NRBP2: variants seen among roughly 807,000 people sequenced by gnomAD.
NRBP2 encodes nuclear receptor-binding protein 2.
Under a neutral mutation model 74.4 loss-of-function variants are expected in NRBP2, and 47 were observed. The observed-to-expected ratio is 0.63, with a 90% CI of 0.50 to 0.81. The LOEUF is 0.81. Among genes scored for constraint, NRBP2 ranks in the 30% least tolerant of loss-of-function variants. The pLI is 0.00. For synonymous variants in NRBP2, 312 were observed against 273.8 expected (o/e 1.14, Z -1.38); for missense variants, 613 against 690.1 (o/e 0.89, Z 1.25).
Position 143,837,709 on chromosome 8 carries a change from G to T in NRBP2, c.887C>A (p.Ser296Tyr). The T allele has an allele frequency of 6.4e-7, 1 of 1,566,600 alleles. No individual in the cohort carries two copies. The highest frequency in any genetic ancestry group is 2.3e-5 in the East Asian group (1 of 42,938). The change falls in exon 11 of 18, where the codon TCT (serine) becomes TAT (tyrosine). Residue 296 changes from serine to tyrosine, a missense_variant. By Grantham distance (144) the Ser-to-Tyr change is moderately radical. Around this residue, in one of 2 missense-constraint regions of NRBP2, gnomAD observed 332 missense variants for 429.2 expected, o/e 0.77. Transcript: ENST00000442628. This position sits in a 1 kb window ranked among gnomAD's most constrained non-coding sequence, Gnocchi z 4.3. ...GCGGTGGAAGAGGAGGCTGTGGGCA[G>T]AGGGCCGGCGGGCAGGGTCCCGGGC... Reference protein sequence around the residue: ...CLARDPARRPSAHSLLFHRVL... With the variant: ...CLARDPARRPYAHSLLFHRVL...
chr8:143,840,806 C>G lies in NRBP2; in HGVS notation c.29G>C (p.Arg10Pro). Residue 10 changes from arginine (R) to proline (P), a missense_variant, in exon 1 of 18, where the codon CGG becomes CCG. Around this residue, in one of 2 missense-constraint regions of NRBP2, gnomAD observed 332 missense variants for 429.2 expected, o/e 0.77. Transcript: ENST00000442628. The surrounding 1 kb of genome is among the most constrained non-coding windows in gnomAD (Gnocchi z 5.7). ...CCGCTCCCGCTCCCGTTCCCGGGCC[C>G]GCCTCGGCGCCGGCTCCGGGGCCGC... MAAPEPAPR[R>P]ARERERERED... The G allele has an allele frequency of 1.3e-6, 2 of 1,496,830 alleles. No individual in the cohort carries two copies. The highest frequency in any genetic ancestry group is 1.8e-6 in the Non-Finnish European group (2 of 1,128,724). 92.7% of individuals were successfully genotyped at this position (1,496,830 alleles called of 1,614,324 possible).
chr8:143,831,834 G>A (rs186551955), downstream of NRBP2, among the ~76,000 whole-genome samples: 26 of 152,328 alleles, frequency 1.7e-4, 4 homozygotes, highest in Admixed American at 1.6e-3. Flanking sequence ...GAGATCATAG[G>A]TAAAGAGTCA....
chr8:143,838,019 C>T (rs1563862221), intron 10 of NRBP2: 2 of 686,570 alleles, frequency 2.9e-6, no homozygotes, highest in Non-Finnish European at 5.3e-6. Context: ...AAGCCATGAT[C>T]CTAAAGTCAC....
Position 143,840,907 on chromosome 8 carries a change from C to T in NRBP2, c.-73G>A. The T allele has an allele frequency of 8.2e-7, 1 of 1,223,646 alleles. No homozygotes were observed. Among genetic ancestry groups the T allele is most frequent in the Non-Finnish European group, 1.0e-6 (1 of 986,428 alleles). 75.8% of individuals were successfully genotyped at this position (1,223,646 alleles called of 1,614,324 possible). On this transcript the variant is annotated 5_prime_UTR_variant, in exon 1 of 18. Transcript: ENST00000442628. The surrounding 1 kb of genome is among the most constrained non-coding windows in gnomAD (Gnocchi z 5.7). ...GCAGCCTCTCCCGGCCCGCCCTGGCCTCGCGCCCAGCAGCCCAGCCTAGAG... is the reference window on the plus strand; with the variant it reads ...GCAGCCTCTCCCGGCCCGCCCTGGCTTCGCGCCCAGCAGCCCAGCCTAGAG...
downstream of NRBP2, among the ~76,000 whole-genome samples, chr8:143,832,944 A>C (rs536470537): frequency 6.6e-6 from 1 of 152,182 alleles, no homozygotes; most frequent in Non-Finnish European, 1.5e-5. Flanking sequence ...GTGGAGGGGC[A>C]ACCCACCCCT....
At chr8:143,830,162 G>A (rs782191192), downstream of NRBP2, among the ~76,000 whole-genome samples, 3 of 152,226 alleles carry the variant, frequency 2.0e-5, no homozygotes, top group East Asian at 1.9e-4. Context: ...AATATTCCCC[G>A]CCTCCCTCCT....
At chr8:143,832,024 T>C (rs1447380195), downstream of NRBP2, among the ~76,000 whole-genome samples, 1 of 152,256 alleles carries the variant, frequency 6.6e-6, no homozygotes, top group Non-Finnish European at 1.5e-5. Flanking sequence ...ATTGTTACTG[T>C]GTCTGTGTAG....
chr8:143,836,557 A>G lies in NRBP2; in HGVS notation c.1264-377T>C, dbSNP rs981693725. 5.9e-5 allele frequency among the ~76,000 whole-genome samples: 9 copies of G among 151,428 alleles called. No individual in the cohort carries two copies. In the East Asian group the frequency reaches 1.6e-3, roughly 26 times the overall value. On this transcript the variant is annotated intron_variant, in intron 14 of 17. Coordinates refer to ENST00000442628, the MANE Select transcript of NRBP2 (RefSeq NM_178564.4). The stretch of plus-strand genomic sequence containing the variant: ...TCTCTGCTGGCAGCCAGGAGCAGGC[A>G]GTTTGCCTGTTAGGACATGAATTCT...
At position 143,835,652 on chromosome 8, in the gene NRBP2, G is replaced by A; in HGVS notation, c.*10C>T. 1.3e-6 allele frequency: 2 copies of A among 1,570,626 alleles called. No homozygotes were observed. Among genetic ancestry groups the A allele is most frequent in the Non-Finnish European group, 1.7e-6 (2 of 1,161,046 alleles). On this transcript the variant is annotated 3_prime_UTR_variant, in exon 18 of 18. Transcript: ENST00000442628. This position sits in a 1 kb window ranked among gnomAD's most constrained non-coding sequence, Gnocchi z 4.9. ...ACCCCGGCATGGTCCCCTGGGGCTGGGGCTCCGGGTCAGGCCTGGGTCCCA... is the reference window on the plus strand; with the variant it reads ...ACCCCGGCATGGTCCCCTGGGGCTGAGGCTCCGGGTCAGGCCTGGGTCCCA...
chr8:143,838,677 T>A lies in NRBP2; in HGVS notation c.840+3A>T. 2 of 1,603,718 alleles carry A rather than the reference T, an allele frequency of 1.2e-6. No homozygotes were observed. Among genetic ancestry groups the A allele is most frequent in the Non-Finnish European group, 1.7e-6 (2 of 1,174,526 alleles). Reference sequence around the variant, plus strand: ...CTGGGGAGGGGCAGGGCAAGCTGCTTACCCGCATGTTGGGGTCACTCAGCG... The same window carrying A: ...CTGGGGAGGGGCAGGGCAAGCTGCTAACCCGCATGTTGGGGTCACTCAGCG... On this transcript the variant is annotated splice_donor_region_variant and intron_variant, in intron 10 of 17. Coordinates refer to ENST00000442628, the MANE Select transcript of NRBP2 (RefSeq NM_178564.4).
In NRBP2 at chr8:143,837,103, G is replaced by T. The variant is rs782213930; in HGVS notation, c.1199C>A (p.Pro400His). 7.4e-6 allele frequency: 12 copies of T among 1,612,464 alleles called. No individual in the cohort carries two copies. Among genetic ancestry groups the T allele is most frequent in the Non-Finnish European group, 1.0e-5 (12 of 1,179,402 alleles). The change falls in exon 14 of 18, where the codon CCC becomes CAC. Residue 400 changes from proline (P) to histidine (H), a missense_variant. Pro to His is a moderately conservative substitution (Grantham distance 77, BLOSUM62 -2). Transcript: ENST00000442628. This position sits in a 1 kb window ranked among gnomAD's most constrained non-coding sequence, Gnocchi z 4.3. ...PLGLPRVLAP[P>H]PEEVQKAKTP... is the part of the protein sequence containing the mutation. ...CTTGGCCTTTTGGACCTCCTCCGGG[G>T]GTGGGGCCAGCACACGGGGCAGCCC...
At chr8:143,830,347 C>A (rs1426023519), downstream of NRBP2, among the ~76,000 whole-genome samples, 5 of 152,226 alleles carry the variant, frequency 3.3e-5, no homozygotes, top group Admixed American at 6.5e-5. Flanking sequence ...AGAAAGGAAA[C>A]CCCAGACCTC....
Position 143,840,501 on chromosome 8 carries a change from C to G in NRBP2, c.129+205G>C, listed in dbSNP as rs1481165180. ...GAGTCCAGAGGCATGGGGAGGTGGT[C>G]CTGGGAGGAGACTGGCCCTCAGGGA... On this transcript the variant is annotated intron_variant, in intron 1 of 17. Coordinates refer to ENST00000442628, the MANE Select transcript of NRBP2 (RefSeq NM_178564.4). The surrounding 1 kb of genome is among the most constrained non-coding windows in gnomAD (Gnocchi z 5.7). 3 of 660,282 alleles carry G rather than the reference C, an allele frequency of 4.5e-6. No homozygotes were observed. Among genetic ancestry groups the G allele is most frequent in the African/African-American group, 3.7e-5 (2 of 54,746 alleles). The allele number at this position is 660,282 out of a possible 1,614,324, so 40.9% of individuals were successfully genotyped here.
At position 143,837,568 on chromosome 8, in the gene NRBP2, T is replaced by TCCA; in HGVS notation, c.973+52_973+54dup. 1 of 1,595,304 alleles carries TCCA rather than the reference T, an allele frequency of 6.3e-7. No homozygotes were observed. The highest frequency in any genetic ancestry group is 8.5e-7 in the Non-Finnish European group (1 of 1,171,604). ...AGGCCGTGGGTCCTGCAGGGCCCCT[T>TCCA]CCACGTCCCAACCTCCACCTCCCCA... is the stretch of plus-strand genomic sequence containing the variant. On this transcript the variant is annotated intron_variant, in intron 11 of 17. Transcript: ENST00000442628. The surrounding 1 kb of genome is among the most constrained non-coding windows in gnomAD (Gnocchi z 4.3).
At position 143,839,282 on chromosome 8, in the gene NRBP2, C is replaced by A; in HGVS notation, c.580+32G>T. ...TGGCTCCAGGCACCTTCCCCTGCCC[C>A]GTTCCCCCACCCAGCCCTGCCCCGC... On this transcript the variant is annotated intron_variant, in intron 6 of 17. Transcript: ENST00000442628. This position sits in a 1 kb window ranked among gnomAD's most constrained non-coding sequence, Gnocchi z 5.1. 1 of 1,537,290 alleles carries A rather than the reference C, an allele frequency of 6.5e-7. No individual in the cohort carries two copies. Among genetic ancestry groups the A allele is most frequent in the East Asian group, 2.4e-5 (1 of 41,128 alleles).
chr8:143,835,356 T>C lies in NRBP2; in HGVS notation c.*306A>G. ...AGCCTCCTGCATGCTGAGGAGGCAGTGGCCCCGGCCAGGCAGCCTGGGTAG... is the reference window on the plus strand; with the variant it reads ...AGCCTCCTGCATGCTGAGGAGGCAGCGGCCCCGGCCAGGCAGCCTGGGTAG... On this transcript the variant is annotated 3_prime_UTR_variant, in exon 18 of 18. Transcript: ENST00000442628. The surrounding 1 kb of genome is among the most constrained non-coding windows in gnomAD (Gnocchi z 4.9). 1 of 499,878 alleles carries C rather than the reference T, an allele frequency of 2.0e-6. No individual in the cohort carries two copies. The highest frequency in any genetic ancestry group is 3.6e-6 in the Non-Finnish European group (1 of 278,634). 31.0% of individuals were successfully genotyped at this position (499,878 alleles called of 1,614,324 possible).
In NRBP2 at chr8:143,837,189, G is replaced by A. The variant is rs374154316; in HGVS notation, c.1128-15C>T. 1.2e-6 allele frequency: 2 copies of A among 1,613,736 alleles called. No individual in the cohort carries two copies. The highest frequency in any genetic ancestry group is 2.7e-5 in the African/African-American group (2 of 74,906). On this transcript the variant is annotated splice_polypyrimidine_tract_variant and intron_variant, in intron 13 of 17. Coordinates refer to ENST00000442628, the MANE Select transcript of NRBP2 (RefSeq NM_178564.4). This position sits in a 1 kb window ranked among gnomAD's most constrained non-coding sequence, Gnocchi z 4.3. ...AGATTCCATTCCTGGGGACACAACA[G>A]GGTGGCTGGGGGTTCAGGCCTGACA...
At position 143,840,435 on chromosome 8, in the gene NRBP2, G is replaced by A; in HGVS notation, c.130-206C>T. 1 of 737,238 alleles carries A rather than the reference G, an allele frequency of 1.4e-6. No homozygotes were observed. Among genetic ancestry groups the A allele is most frequent in the Non-Finnish European group, 2.2e-6 (1 of 464,224 alleles). 45.7% of individuals were successfully genotyped at this position (737,238 alleles called of 1,614,324 possible). ...GCTGGGCTAAGGGGATTTGGAGCAG[G>A]TTTCAGGGGGTCGAGGGGGATCCCC... On this transcript the variant is annotated intron_variant, in intron 1 of 17. Transcript: ENST00000442628. This position sits in a 1 kb window ranked among gnomAD's most constrained non-coding sequence, Gnocchi z 5.7.
chr8:143,835,922 C>T lies in NRBP2; in HGVS notation c.1381+45G>A, dbSNP rs574323771. 31 of 1,592,012 alleles carry T rather than the reference C, an allele frequency of 1.9e-5. No homozygotes were observed. The highest frequency in any genetic ancestry group is 6.8e-5 in the East Asian group (3 of 44,348). On this transcript the variant is annotated intron_variant, in intron 16 of 17. Transcript: ENST00000442628. This position sits in a 1 kb window ranked among gnomAD's most constrained non-coding sequence, Gnocchi z 4.9. Reference sequence around the variant, plus strand: ...AGGCATGAGGCCGCTGCCCACCCGCCGCCTGGGGTCACCGCCCGCCGCCCA... The same window carrying T: ...AGGCATGAGGCCGCTGCCCACCCGCTGCCTGGGGTCACCGCCCGCCGCCCA...
Sources: gnomAD v4.1 joint callset for allele counts (sites outside exome capture counted in the v4.1 genomes callset) on GRCh38, gnomAD v4.1.1 for gene constraint, gnomAD v4.1.1 regional missense constraint, Gnocchi (gnomAD v3.1) non-coding constraint, MANE v1.5 for transcripts, NCBI Gene and HGNC (gene_info 2026-07-23, HGNC 2026-07-21) for gene names.